Variants in AUTS2 observed in about 807,000 individuals in gnomAD.
AUTS2 encodes activator of transcription and developmental regulator AUTS2.
A neutral mutation model predicts 112.4 loss-of-function variants in AUTS2; 17 were observed. That is an observed-to-expected ratio of 0.15 (90% CI 0.10 to 0.23). AUTS2 has a LOEUF of 0.23. Ranked by LOEUF, AUTS2 falls within the 10% of genes least tolerant of loss-of-function variation. AUTS2 has a pLI of 1.00. For synonymous variants in AUTS2, 751 were observed against 702.7 expected (o/e 1.07, Z -1.09); for missense variants, 1,510 against 1,701.6 (o/e 0.89, Z 1.98).
intron 4 of AUTS2, among the ~76,000 whole-genome samples, chr7:70,252,768 T>A (rs1359312109): frequency 6.6e-6 from 1 of 152,174 alleles, no homozygotes; most frequent in Non-Finnish European, 1.5e-5. Flanking sequence ...TTGTAAAAGG[T>A]GTGAAGTAAG....
intron 1 of AUTS2, among the ~76,000 whole-genome samples, chr7:69,795,605 A>G (rs1333919327): frequency 2.6e-5 from 4 of 152,224 alleles, no homozygotes; most frequent in South Asian, 2.1e-4. Flanking sequence ...CCAAGGCACA[A>G]TAAGGCAAGG....
At chr7:69,731,061 C>G (rs1786770893) in intron 1 of AUTS2, among the ~76,000 whole-genome samples, 1 of 152,096 alleles carries the variant, frequency 6.6e-6, no homozygotes, top group African/African-American at 2.4e-5. Flanking sequence ...TTTGGGAGGC[C>G]AAGGTGGGAG....
At chr7:70,633,790 T>C (rs1311955959) in intron 5 of AUTS2, among the ~76,000 whole-genome samples, 1 of 152,156 alleles carries the variant, frequency 6.6e-6, no homozygotes, top group Non-Finnish European at 1.5e-5. Flanking sequence ...GTAATGTTCT[T>C]ACTCTAGGAA....
chr7:70,592,198 A>C (rs1357178348), intron 5 of AUTS2, among the ~76,000 whole-genome samples: 1 of 152,204 alleles, frequency 6.6e-6, no homozygotes, highest in African/African-American at 2.4e-5. Flanking sequence ...CATCAAAGAA[A>C]GGGCAGAATC....
At chr7:70,674,403 C>T (rs1273667147) in intron 5 of AUTS2, among the ~76,000 whole-genome samples, 2 of 152,136 alleles carry the variant, frequency 1.3e-5, no homozygotes, top group Admixed American at 6.5e-5. Flanking sequence ...ATTAGGCGCA[C>T]TTGTCATTTG....
chr7:69,781,391 A>G (rs1171133150), intron 1 of AUTS2, among the ~76,000 whole-genome samples: 3 of 152,238 alleles, frequency 2.0e-5, no homozygotes, highest in East Asian at 1.9e-4. Context: ...GTATTGGCCA[A>G]GAAGGAGCGC....
chr7:69,926,835 TAA>T (rs1045323824), intron 2 of AUTS2, among the ~76,000 whole-genome samples: 1 of 146,472 alleles, frequency 6.8e-6, no homozygotes, highest in African/African-American at 2.5e-5. Flanking sequence ...ATAGTATATA[TAA>T]GATATATCAT....
chr7:69,638,756 A>G (rs932467415), intron 1 of AUTS2, among the ~76,000 whole-genome samples: 2 of 152,244 alleles, frequency 1.3e-5, no homozygotes, highest in Non-Finnish European at 1.5e-5. Context: ...TCTTATCTGT[A>G]GATCCCAATA....
chr7:69,664,315 A>G (rs1383125181), intron 1 of AUTS2, among the ~76,000 whole-genome samples: 1 of 152,228 alleles, frequency 6.6e-6, no homozygotes, highest in South Asian at 2.1e-4. Context: ...CTGTATTAGG[A>G]GCTTAGTATG....
intron 4 of AUTS2, among the ~76,000 whole-genome samples, chr7:70,400,752 C>G (rs944473297): frequency 6.6e-6 from 1 of 152,110 alleles, no homozygotes; most frequent in African/African-American, 2.4e-5. Context: ...ATTCTCAAAC[C>G]TTGACTGTAT....
At chr7:70,249,048 A>G (rs1030992440) in intron 4 of AUTS2, among the ~76,000 whole-genome samples, 2 of 152,250 alleles carry the variant, frequency 1.3e-5, no homozygotes, top group Non-Finnish European at 2.9e-5. Context: ...TTTTAAGTTA[A>G]CAAGTTTCAC....
At chr7:69,758,341 C>G (rs1273607392) in intron 1 of AUTS2, among the ~76,000 whole-genome samples, 1 of 152,180 alleles carries the variant, frequency 6.6e-6, no homozygotes, top group Non-Finnish European at 1.5e-5. Context: ...AGTTTTCTTA[C>G]TGTTGCATTC....
At chr7:70,754,593 C>T (rs1439672439) in intron 6 of AUTS2, among the ~76,000 whole-genome samples, 4 of 152,210 alleles carry the variant, frequency 2.6e-5, no homozygotes, top group Non-Finnish European at 5.9e-5. Flanking sequence ...AGTGTTTAAA[C>T]ATTTCAGTCC....
At chr7:69,893,007 C>T (rs1218444970) in intron 1 of AUTS2, among the ~76,000 whole-genome samples, 7 of 152,192 alleles carry the variant, frequency 4.6e-5, no homozygotes, top group Non-Finnish European at 7.3e-5. Context: ...TACAGAGCAC[C>T]TGACTTGCTC....
chr7:69,813,199 A>G (rs1790619563), intron 1 of AUTS2, among the ~76,000 whole-genome samples: 2 of 152,100 alleles, frequency 1.3e-5, no homozygotes, highest in Admixed American at 1.3e-4. Context: ...GAGTCTTTGC[A>G]TTATTGTTCT....
chr7:70,346,487 C>T (rs1037192159), intron 4 of AUTS2, among the ~76,000 whole-genome samples: 1 of 152,160 alleles, frequency 6.6e-6, no homozygotes, highest in Non-Finnish European at 1.5e-5. Flanking sequence ...GCTAGTTTCT[C>T]ATTTGCGGAG....
At chr7:69,776,843 T>TA (rs547416506) in intron 1 of AUTS2, among the ~76,000 whole-genome samples, 2 of 152,162 alleles carry the variant, frequency 1.3e-5, no homozygotes, top group Non-Finnish European at 2.9e-5. Context: ...TGTTGTTCTT[T>TA]AAAAAAAATA....
At chr7:69,887,230 A>G (rs1381904394) in intron 1 of AUTS2, among the ~76,000 whole-genome samples, 5 of 152,186 alleles carry the variant, frequency 3.3e-5, no homozygotes, top group African/African-American at 1.2e-4. Context: ...CCTGGCCAAC[A>G]TGGTGAAACC....
intron 6 of AUTS2, among the ~76,000 whole-genome samples, chr7:70,761,500 G>A (rs1036674348): frequency 6.6e-6 from 1 of 152,200 alleles, no homozygotes; most frequent in Non-Finnish European, 1.5e-5. Flanking sequence ...TTTTGAAATT[G>A]TGTAGTAATA....
Sources: gnomAD v4.1 joint callset for allele counts (sites outside exome capture counted in the v4.1 genomes callset) on GRCh38, gnomAD v4.1.1 for gene constraint, MANE v1.5 for transcripts, NCBI Gene and HGNC (gene_info 2026-07-23, HGNC 2026-07-21) for gene names.